SGCD: variants seen among roughly 807,000 people sequenced by gnomAD.
SGCD encodes the protein sarcoglycan delta.
Under a neutral mutation model 36.6 loss-of-function variants are expected in SGCD, and 18 were observed. The observed-to-expected ratio is 0.49, with a 90% CI of 0.34 to 0.73. The LOEUF is 0.73. SGCD is among the 30% of genes least tolerant of loss of function. The pLI is 0.01. For synonymous variants in SGCD, 133 were observed against 130.6 expected (o/e 1.02, Z -0.12); for missense variants, 387 against 346.7 (o/e 1.12, Z -0.92).
chr5:156,614,328 T>C (rs879635373), intron 6 of SGCD, among the ~76,000 whole-genome samples: 2 of 152,180 alleles, frequency 1.3e-5, no homozygotes, highest in Non-Finnish European at 2.9e-5. Context: ...AGAGAGCACA[T>C]GGCAGAGTCA....
intron 1 of SGCD, among the ~76,000 whole-genome samples, chr5:155,995,781 C>T (rs1358852138): frequency 5.9e-5 from 9 of 151,546 alleles, no homozygotes; most frequent in African/African-American, 2.2e-4. Flanking sequence ...TGATTTCAGG[C>T]ATAGTGAACC....
At chr5:156,539,518 T>C (rs1758264839) in intron 4 of SGCD, among the ~76,000 whole-genome samples, 1 of 152,114 alleles carries the variant, frequency 6.6e-6, no homozygotes, top group South Asian at 2.1e-4. Flanking sequence ...TATTTTGTTT[T>C]CCATTCCTAA....
rs562643039 is a variant in SGCD, at chr5:156,013,060, C to T, written c.-281-104818C>T. On this transcript the variant is annotated intron_variant, in intron 1 of 9. Transcript: ENST00000517913. ...TTTTCTTTTGTGATGGAGTCTCGCT[C>T]TGTCGCCAAGGCTGGAGTGCAGTGG... 2.7e-5 allele frequency among the ~76,000 whole-genome samples: 4 copies of T among 145,866 alleles called. No homozygotes were observed. In the South Asian group the frequency reaches 8.6e-4, roughly 31 times the overall value.
intron 3 of SGCD, among the ~76,000 whole-genome samples, chr5:156,357,369 C>T (rs1769545535): frequency 6.6e-6 from 1 of 152,152 alleles, no homozygotes; most frequent in Admixed American, 6.5e-5. Flanking sequence ...AACTTCAAAG[C>T]TTATGCTTTT....
At chr5:156,402,813 G>T (rs919159352) in intron 3 of SGCD, among the ~76,000 whole-genome samples, 1 of 152,206 alleles carries the variant, frequency 6.6e-6, no homozygotes, top group African/African-American at 2.4e-5. Context: ...ACTGAAATGT[G>T]AGCACTAGGG....
At chr5:156,213,002 A>G (rs1022618702) in intron 3 of SGCD, among the ~76,000 whole-genome samples, 2 of 152,106 alleles carry the variant, frequency 1.3e-5, no homozygotes, top group African/African-American at 2.4e-5. Flanking sequence ...GAAAATGCCA[A>G]TTTAATAGGG....
At chr5:156,145,486 G>A (rs1319625923) in intron 3 of SGCD, among the ~76,000 whole-genome samples, 1 of 151,930 alleles carries the variant, frequency 6.6e-6, no homozygotes, top group Non-Finnish European at 1.5e-5. Flanking sequence ...TCATAATAAG[G>A]GCATTTTAAA....
chr5:156,098,380 C>G (rs1199391039), intron 1 of SGCD, among the ~76,000 whole-genome samples: 1 of 152,066 alleles, frequency 6.6e-6, no homozygotes, highest in Non-Finnish European at 1.5e-5. Context: ...TGAGAAATTT[C>G]TCAAAAGTTA....
rs138352324 is a variant in SGCD at position 156,046,706 on chromosome 5, C to T, written c.-281-71172C>T. 4.6e-5 allele frequency among the ~76,000 whole-genome samples: 7 copies of T among 152,186 alleles called. No individual in the cohort carries two copies. In the East Asian group the frequency reaches 1.4e-3, roughly 29 times the overall value. Reference sequence around the variant, plus strand: ...ATTGCTCCACTGACCAGCACTTCCCCTACTTCTATCTTCTTGGACCTTCCT... The same window carrying T: ...ATTGCTCCACTGACCAGCACTTCCCTTACTTCTATCTTCTTGGACCTTCCT... On this transcript the variant is annotated intron_variant, in intron 1 of 9. Coordinates refer to the SGCD transcript ENST00000517913.
intron 3 of SGCD, among the ~76,000 whole-genome samples, chr5:156,136,153 C>T (rs1419882652): frequency 6.6e-6 from 1 of 152,140 alleles, no homozygotes; most frequent in African/African-American, 2.4e-5. Flanking sequence ...TGCTCTGTTG[C>T]CCAGCCTAGG....
intron 3 of SGCD, among the ~76,000 whole-genome samples, chr5:156,446,079 T>C (rs1753745754): frequency 3.3e-5 from 5 of 152,106 alleles, no homozygotes; most frequent in Admixed American, 2.6e-4. Context: ...GGCATGTGGT[T>C]GGTGCGAAAG....
At chr5:155,766,565 C>T in the SGCD span, among the ~76,000 whole-genome samples, 30 of 151,978 alleles carry the variant, frequency 2.0e-4, no homozygotes, top group Non-Finnish European at 3.2e-4. Context: ...TCTGGGGTAC[C>T]CTTCTGCAAA....
chr5:156,344,743 A>T, intron 3 of SGCD, 66 bp downstream of exon 3: 1 of 1,253,870 alleles, frequency 8.0e-7, no homozygotes. Context: ...CAAGATGATG[A>T]AGGAATGTGG....
At chr5:156,100,410 T>A (rs1350162237) in intron 1 of SGCD, among the ~76,000 whole-genome samples, 1 of 152,224 alleles carries the variant, frequency 6.6e-6, no homozygotes. Context: ...GAGGAATATG[T>A]TGAACTCATC....
intron 3 of SGCD, among the ~76,000 whole-genome samples, chr5:156,198,216 C>T (rs534792886): frequency 6.6e-6 from 1 of 152,012 alleles, no homozygotes; most frequent in South Asian, 2.1e-4. Context: ...AGATCTTTTC[C>T]AGTAAGGGCA....
intron 1 of SGCD, among the ~76,000 whole-genome samples, chr5:155,899,225 C>A (rs1253214507): frequency 6.6e-6 from 1 of 152,148 alleles, no homozygotes; most frequent in East Asian, 1.9e-4. Context: ...CCAAAAAAAC[C>A]ACAAGTGGAA....
At chr5:156,191,336 T>C (rs1243353773) in intron 3 of SGCD, among the ~76,000 whole-genome samples, 1 of 152,138 alleles carries the variant, frequency 6.6e-6, no homozygotes, top group Non-Finnish European at 1.5e-5. Flanking sequence ...TTACAGGTGA[T>C]TGATCACCAA....
intron 1 of SGCD, among the ~76,000 whole-genome samples, chr5:155,961,669 C>T (rs1204681695): frequency 6.6e-6 from 1 of 152,052 alleles, no homozygotes; most frequent in Non-Finnish European, 1.5e-5. Context: ...AGTTATCAGC[C>T]ACTTCAGTAA....
At chr5:156,593,522 A>C (rs1296562164) in intron 5 of SGCD, among the ~76,000 whole-genome samples, 2 of 152,148 alleles carry the variant, frequency 1.3e-5, no homozygotes, top group African/African-American at 2.4e-5. Context: ...TTTATTCACC[A>C]CATTTTTTGC....
Sources: allele counts gnomAD v4.1 joint callset (sites outside exome capture counted in the v4.1 genomes callset), GRCh38; gene constraint gnomAD v4.1.1; transcripts MANE v1.5; gene names NCBI Gene and HGNC (gene_info 2026-07-23, HGNC 2026-07-21).